Variants in JAK1 observed in about 807,000 individuals in gnomAD.
JAK1 encodes Janus kinase 1, also known as tyrosine-protein kinase JAK1.
JAK1 carries 16 observed loss-of-function variants against 136.6 expected under a neutral mutation model. The ratio of observed to expected loss-of-function variants is 0.12; its 90% CI spans 0.08 to 0.18. JAK1 has a LOEUF of 0.18. JAK1 is among the 10% of genes least tolerant of loss of function. The pLI, the probability that JAK1 is intolerant of heterozygous loss-of-function variation, is 1.00. For synonymous variants in JAK1, 492 were observed against 519.5 expected, an observed-to-expected ratio of 0.95 and a Z score of 0.72; for missense variants, 859 against 1,450.1, an observed-to-expected ratio of 0.59 and a Z score of 6.62.
intron 2 of JAK1, among the ~76,000 whole-genome samples, chr1:64,977,327 T>C (rs1646505076): frequency 6.6e-6 from 1 of 152,174 alleles, no homozygotes; most frequent in Non-Finnish European, 1.5e-5. Flanking sequence ...TTTTGTTTCA[T>C]TTTTTGTAGA....
chr1:65,058,718 CAT>C (rs1475796357), intron 1 of JAK1, among the ~76,000 whole-genome samples: 4 of 152,148 alleles, frequency 2.6e-5, no homozygotes, highest in African/African-American at 7.2e-5. Context: ...AAGATGAACA[CAT>C]GACTTATCCA....
At chr1:65,052,610 G>A (rs1365142284) in intron 1 of JAK1, among the ~76,000 whole-genome samples, 2 of 151,864 alleles carry the variant, frequency 1.3e-5, no homozygotes, top group East Asian at 2.0e-4. Context: ...TCAGGAGATC[G>A]AGACCATCCT....
At chr1:65,032,416 T>C (rs538842593) in intron 2 of JAK1, among the ~76,000 whole-genome samples, 12 of 152,370 alleles carry the variant, frequency 7.9e-5, no homozygotes, top group Non-Finnish European at 1.5e-4. Context: ...CTGGTCATTC[T>C]GTCTGAAGTG....
chr1:64,863,234 T>C (rs1215552107), intron 8 of JAK1, among the ~76,000 whole-genome samples: 1 of 148,492 alleles, frequency 6.7e-6, no homozygotes, highest in Non-Finnish European at 1.5e-5. Flanking sequence ...ATATCCAGGA[T>C]GCAGCATATG....
intron 3 of JAK1, among the ~76,000 whole-genome samples, chr1:64,882,199 CT>C (rs1274707997): frequency 6.6e-6 from 1 of 152,158 alleles, no homozygotes; most frequent in Non-Finnish European, 1.5e-5. Flanking sequence ...TCCTGAAACT[CT>C]GGTGTGTGAA....
At chr1:64,869,280 A>G in intron 6 of JAK1, 31 bp downstream of exon 6, 1 of 1,603,974 alleles carries the variant, frequency 6.2e-7, no homozygotes, top group Non-Finnish European at 8.5e-7. Flanking sequence ...CCATCCTCAC[A>G]ATCAATTCTT....
intron 1 of JAK1, among the ~76,000 whole-genome samples, chr1:64,900,098 G>T (rs1645081621): frequency 6.6e-6 from 1 of 152,160 alleles, no homozygotes; most frequent in South Asian, 2.1e-4. Context: ...TTCCCCCTGG[G>T]TTATACAGGA....
intron 1 of JAK1, among the ~76,000 whole-genome samples, chr1:65,048,686 T>C (rs1361892900): frequency 1.3e-5 from 2 of 152,208 alleles, no homozygotes; most frequent in Non-Finnish European, 2.9e-5. Flanking sequence ...AAAGGATTTA[T>C]GAGGTGTGCT....
intron 2 of JAK1, among the ~76,000 whole-genome samples, chr1:65,002,711 G>T (rs982689448): frequency 6.6e-6 from 1 of 152,226 alleles, no homozygotes; most frequent in Non-Finnish European, 1.5e-5. Flanking sequence ...GGAGGCGGGG[G>T]CACCGCGCAG....
chr1:64,835,382 T>G lies in JAK1; in HGVS notation c.3369+14A>C, dbSNP rs1233021878. On this transcript the variant is annotated intron_variant, in intron 24 of 24. Coordinates refer to ENST00000342505, the MANE Select transcript of JAK1 (RefSeq NM_002227.4). ...GAAATGGAGTGTTATTACTGTGACG[T>G]GGCCCATAGATACCTCATCTGGACA... The G allele has an allele frequency of 5.8e-6, 8 of 1,380,028 alleles. No homozygotes were observed. The highest frequency in any genetic ancestry group is 8.1e-6 in the Non-Finnish European group (8 of 989,178). 85.5% of individuals were successfully genotyped at this position (1,380,028 alleles called of 1,614,324 possible).
chr1:65,011,705 T>G (rs1005709658), intron 2 of JAK1, among the ~76,000 whole-genome samples: 60 of 152,314 alleles, frequency 3.9e-4, no homozygotes, highest in African/African-American at 1.4e-3. Context: ...TGTCCCAGGA[T>G]GGAGCAAGGG....
chr1:65,011,733 A>G lies in JAK1; in HGVS notation c.-78+32747T>C, dbSNP rs372152259. On this transcript the variant is annotated intron_variant, in intron 2 of 25. Transcript: ENST00000671954. ...AGCAAGGGTAGGACATTGAGGAAGT[A>G]GAATGTCTGAACCTCTTCCTGTTCT... is the stretch of plus-strand genomic sequence containing the variant. 1.2e-4 allele frequency among the ~76,000 whole-genome samples: 18 copies of G among 152,296 alleles called. 1 individual carries two copies. Among genetic ancestry groups the G allele is most frequent in the Admixed American group, 3.3e-4 (5 of 15,298 alleles).
intron 2 of JAK1, among the ~76,000 whole-genome samples, chr1:65,030,066 G>A (rs182696026): frequency 2.6e-5 from 4 of 152,304 alleles, no homozygotes; most frequent in Admixed American, 6.5e-5. Flanking sequence ...CTTTGGGGAA[G>A]TAATTAGGTT....
In JAK1 at chr1:65,047,810, A is replaced by C. The variant is rs75301969; in HGVS notation, c.-180-3228T>G. ...CACAGTAAGTATACTGAAGTACGTT[A>C]GTGTGGACGTACTGTGTGCAAGTGT... is the stretch of plus-strand genomic sequence containing the variant. On this transcript the variant is annotated intron_variant, in intron 1 of 25. Transcript: ENST00000671954. 6.8e-3 allele frequency among the ~76,000 whole-genome samples: 1,040 copies of C among 152,070 alleles called. 5 individuals are homozygous for C. Among genetic ancestry groups the C allele is most frequent in the African/African-American group, 0.024 (1,007 of 41,486 alleles).
chr1:64,908,291 G>A (rs940186348), intron 1 of JAK1, among the ~76,000 whole-genome samples: 3 of 152,048 alleles, frequency 2.0e-5, no homozygotes, highest in African/African-American at 7.2e-5. Context: ...TACTCTCACG[G>A]CAGTGACCCT....
At chr1:64,851,948 T>G (rs1276973311) in intron 11 of JAK1, among the ~76,000 whole-genome samples, 1 of 152,064 alleles carries the variant, frequency 6.6e-6, no homozygotes, top group Non-Finnish European at 1.5e-5. Flanking sequence ...AGAAGGAAGT[T>G]CCTAAAAGAA....
chr1:64,946,605 G>A (rs558838849), intron 1 of JAK1, among the ~76,000 whole-genome samples: 1 of 152,266 alleles, frequency 6.6e-6, no homozygotes, highest in African/African-American at 2.4e-5. Context: ...CAAACATTTT[G>A]CTGTTCTGAA....
chr1:65,022,607 A>G (rs1235875064), intron 2 of JAK1, among the ~76,000 whole-genome samples: 2 of 152,180 alleles, frequency 1.3e-5, no homozygotes, highest in Admixed American at 6.5e-5. Flanking sequence ...AGTTTGTAAG[A>G]GTTGGTGCCT....
chr1:64,986,099 C>A, intron 2 of JAK1: 60 of 777,472 alleles, frequency 7.7e-5, no homozygotes, highest in Non-Finnish European at 1.1e-4. Context: ...CCCATGGCCT[C>A]AATCTAATTG....
Sources: allele counts gnomAD v4.1 joint callset (sites outside exome capture counted in the v4.1 genomes callset), GRCh38; gene constraint gnomAD v4.1.1; transcripts MANE v1.5; gene names NCBI Gene and HGNC (gene_info 2026-07-23, HGNC 2026-07-21).